The following DAPK1 variants were observed in gnomAD, a reference collection of about 807,000 sequenced individuals.
The protein encoded by DAPK1 is death-associated protein kinase 1.
A neutral mutation model predicts 144.9 loss-of-function variants in DAPK1; 56 were observed. That is an observed-to-expected ratio of 0.39 (90% CI 0.31 to 0.48). The LOEUF (loss-of-function observed/expected upper bound fraction) is 0.48. Ranked by LOEUF, DAPK1 falls within the 20% of genes least tolerant of loss-of-function variation. The pLI is 0.95. For synonymous variants in DAPK1, 690 were observed against 749.0 expected, an observed-to-expected ratio of 0.92 and a Z score of 1.29; for missense variants, 1,454 against 1,875.4, an observed-to-expected ratio of 0.78 and a Z score of 4.15.
chr9:87,621,354 G>A (rs1829287868), intron 3 of DAPK1, among the ~76,000 whole-genome samples: 1 of 152,224 alleles, frequency 6.6e-6, no homozygotes, highest in Non-Finnish European at 1.5e-5. Context: ...CAGCGACCCG[G>A]TTGTCAGGCT....
intron 19 of DAPK1, among the ~76,000 whole-genome samples, chr9:87,674,161 T>A (rs1207373164): frequency 6.6e-6 from 1 of 152,172 alleles, no homozygotes; most frequent in Admixed American, 6.5e-5. Flanking sequence ...GGCTTATTTT[T>A]ATTTTGTTTG....
intron 17 of DAPK1, among the ~76,000 whole-genome samples, chr9:87,652,734 A>C (rs1191077310): frequency 1.4e-5 from 2 of 140,884 alleles, no homozygotes; most frequent in Non-Finnish European, 3.1e-5. Context: ...CTCCCACCTG[A>C]TCCCGGGTCC....
chr9:87,589,782 A>G (rs1477236656), intron 2 of DAPK1, among the ~76,000 whole-genome samples: 2 of 152,094 alleles, frequency 1.3e-5, no homozygotes, highest in Non-Finnish European at 2.9e-5. Context: ...CTTCCATATG[A>G]CATATTGAAT....
chr9:87,562,981 A>G (rs1329509219), intron 2 of DAPK1, among the ~76,000 whole-genome samples: 1 of 152,194 alleles, frequency 6.6e-6, no homozygotes, highest in African/African-American at 2.4e-5. Flanking sequence ...CTTCATGACA[A>G]ATGATGTGAT....
intron 2 of DAPK1, 102 bp downstream of exon 2, chr9:87,499,241 C>T (rs1017791290): frequency 1.9e-6 from 2 of 1,067,906 alleles, no homozygotes; most frequent in South Asian, 1.3e-5. Context: ...GCGTCTCCCT[C>T]GCCCTTTCTG....
intron 2 of DAPK1, among the ~76,000 whole-genome samples, chr9:87,508,795 CCTGT>C (rs768320194): frequency 2.4e-4 from 37 of 152,212 alleles, no homozygotes; most frequent in African/African-American, 4.3e-4. Context: ...CTTTGAGCTG[CCTGT>C]CTGTCTGCCT....
chr9:87,501,345 C>T (rs908757876), intron 2 of DAPK1, among the ~76,000 whole-genome samples: 3 of 152,112 alleles, frequency 2.0e-5, no homozygotes, highest in African/African-American at 7.2e-5. Flanking sequence ...ATAGTGAAAC[C>T]CTGTCTCTAC....
At chr9:87,501,338 G>A (rs192840139) in intron 2 of DAPK1, among the ~76,000 whole-genome samples, 8 of 152,298 alleles carry the variant, frequency 5.3e-5, no homozygotes, top group Admixed American at 5.2e-4. Flanking sequence ...GGCTAACATA[G>A]TGAAACCCTG....
intron 14 of DAPK1, chr9:87,648,493 C>A (rs1256688804): frequency 2.2e-5 from 8 of 363,928 alleles, no homozygotes; most frequent in African/African-American, 1.6e-4. Flanking sequence ...AGTATCAGCA[C>A]ATAAAGAAGA....
intron 2 of DAPK1, among the ~76,000 whole-genome samples, chr9:87,540,610 A>G (rs1347877743): frequency 6.6e-6 from 1 of 152,196 alleles, no homozygotes; most frequent in Non-Finnish European, 1.5e-5. Flanking sequence ...CGCATCCACT[A>G]GGGGTTTTGG....
chr9:87,651,625 G>A lies in DAPK1; in HGVS notation c.1725G>A (p.Arg575=), dbSNP rs376309900. 91 of 1,614,126 alleles carry A rather than the reference G, an allele frequency of 5.6e-5. No homozygotes were observed. The African/African-American group carries it at 1.1e-3, about 19-fold the overall frequency. The change falls in exon 17 of 26, where the codon AGG becomes AGA. Residue 575 remains arginine (R), a synonymous_variant. Transcript: ENST00000408954. ...SQGCFVDYQD[R]HGNTPLHVAC... is the part of the protein sequence containing the mutation. ...GGTGTTTCGTCGATTATCAAGACAG[G>A]CACGGCAATACTCCCCTCCATGTGG...
intron 17 of DAPK1, among the ~76,000 whole-genome samples, chr9:87,655,052 A>C (rs1237290447): frequency 1.3e-5 from 2 of 152,230 alleles, no homozygotes; most frequent in Admixed American, 6.5e-5. Flanking sequence ...AACTTGTGTA[A>C]TCACTGTCTG....
intron 14 of DAPK1, chr9:87,648,519 A>G: frequency 2.4e-6 from 1 of 424,844 alleles, no homozygotes; most frequent in Non-Finnish European, 4.2e-6. Context: ...AACAGCTATC[A>G]TGGAAAAGGG....
At chr9:87,644,589 G>T (rs1830206100) in intron 11 of DAPK1, among the ~76,000 whole-genome samples, 2 of 152,096 alleles carry the variant, frequency 1.3e-5, no homozygotes, top group South Asian at 2.1e-4. Flanking sequence ...AGAGAGAGAA[G>T]AGGAGGCTTT....
chr9:87,581,494 A>G (rs1367633570), intron 2 of DAPK1, among the ~76,000 whole-genome samples: 2 of 152,180 alleles, frequency 1.3e-5, no homozygotes, highest in African/African-American at 4.8e-5. Context: ...TTAAAATTGC[A>G]TACTTATCAT....
At chr9:87,685,558 G>A (rs1217712799) in intron 20 of DAPK1, among the ~76,000 whole-genome samples, 1 of 152,154 alleles carries the variant, frequency 6.6e-6, no homozygotes, top group African/African-American at 2.4e-5. Context: ...TCACAGCCCT[G>A]ACCAGAAAGG....
intron 2 of DAPK1, among the ~76,000 whole-genome samples, chr9:87,553,742 C>T (rs562230285): frequency 6.6e-6 from 1 of 151,798 alleles, no homozygotes; most frequent in Non-Finnish European, 1.5e-5. Flanking sequence ...GTGATCCGCC[C>T]GCCTGGGCCT....
intron 2 of DAPK1, among the ~76,000 whole-genome samples, chr9:87,540,183 CTTTTTTTTTTTT>C (rs33925780): frequency 3.0e-5 from 2 of 66,130 alleles, no homozygotes; most frequent in Admixed American, 4.3e-4. Context: ...TTGTTAATCT[CTTTTTTTTTTTT>C]TTTTTTTTTT....
chr9:87,640,765 G>A lies in DAPK1; in HGVS notation c.783-37G>A, dbSNP rs147892262. 192 of 1,608,116 alleles carry A rather than the reference G, an allele frequency of 1.2e-4. No homozygotes were observed. The African/African-American group carries it at 2.3e-3, about 19-fold the overall frequency. On this transcript the variant is annotated intron_variant, in intron 8 of 25. Transcript: ENST00000408954. ...AACAACCTTAGTATTTGCTGCTATG[G>A]TCACAGCATTTTTTTTCTTCTCCCC...
Sources: allele counts gnomAD v4.1 joint callset (sites outside exome capture counted in the v4.1 genomes callset), GRCh38; gene constraint gnomAD v4.1.1; transcripts MANE v1.5; gene names NCBI Gene and HGNC (gene_info 2026-07-23, HGNC 2026-07-21).